TMPRSS15: variants seen among roughly 807,000 people sequenced by gnomAD.
TMPRSS15 encodes the protein transmembrane serine protease 15.
Under a neutral mutation model 125.3 loss-of-function variants are expected in TMPRSS15, and 128 were observed. That is an observed-to-expected ratio of 1.02 (90% confidence interval 0.89 to 1.18). TMPRSS15 has a LOEUF of 1.18. Among genes scored for constraint, TMPRSS15 ranks in the 50% most tolerant of loss-of-function variants. The pLI is 0.00. For synonymous variants in TMPRSS15, 446 were observed against 423.2 expected, an observed-to-expected ratio of 1.05 and a Z score of -0.66; for missense variants, 1,283 against 1,212.7, an observed-to-expected ratio of 1.06 and a Z score of -0.86.
intron 1 of TMPRSS15, among the ~76,000 whole-genome samples, chr21:18,414,896 T>A (rs1275285304): frequency 6.6e-6 from 1 of 152,140 alleles, no homozygotes; most frequent in African/African-American, 2.4e-5. Flanking sequence ...GATTTCTAGA[T>A]CATATGGTAG....
chr21:18,389,171 G>T (rs887791844), intron 3 of TMPRSS15, among the ~76,000 whole-genome samples: 33 of 141,364 alleles, frequency 2.3e-4, no homozygotes, highest in African/African-American at 8.6e-4. Flanking sequence ...AAAAGAAAAA[G>T]AAAGAAAGGA....
chr21:18,421,939 C>T (rs930958083), intron 1 of TMPRSS15, among the ~76,000 whole-genome samples: 11 of 151,572 alleles, frequency 7.3e-5, no homozygotes, highest in Middle Eastern at 3.4e-3. Flanking sequence ...GCTAAAACTA[C>T]GAGAGTTTCT....
chr21:18,298,465 G>A (rs1383270180), intron 18 of TMPRSS15, among the ~76,000 whole-genome samples: 1 of 152,228 alleles, frequency 6.6e-6, no homozygotes, highest in Non-Finnish European at 1.5e-5. Flanking sequence ...ACAGGGTGGA[G>A]AGAGACACCT....
At chr21:18,382,974 T>G (rs2075906841) in intron 4 of TMPRSS15, among the ~76,000 whole-genome samples, 2 of 152,150 alleles carry the variant, frequency 1.3e-5, no homozygotes, top group Admixed American at 1.3e-4. Context: ...TAAAAATTAA[T>G]ACTTAATTTT....
At chr21:18,377,168 C>T (rs1043152958) in intron 5 of TMPRSS15, among the ~76,000 whole-genome samples, 1 of 152,078 alleles carries the variant, frequency 6.6e-6, no homozygotes, top group African/African-American at 2.4e-5. Flanking sequence ...TATGATATTT[C>T]ACCACCTACT....
Position 18,343,576 on chromosome 21 carries a change from T to C in TMPRSS15, c.1358A>G (p.Gln453Arg). The C allele has an allele frequency of 1.9e-6, 3 of 1,613,388 alleles. No homozygotes were observed. The highest frequency in any genetic ancestry group is 2.2e-5 in the South Asian group (2 of 91,070). ...ATTGTCTCCATAATTTCCTTCCTTT[T>C]GGAAAACTGTCTTCTCCATATTTTG... is the stretch of plus-strand genomic sequence containing the variant. ...NDQNMEKTVFQKEGNYGDNWN... is the reference protein window; with the variant it reads ...NDQNMEKTVFRKEGNYGDNWN... The change falls in exon 12 of 25, where the codon CAA (glutamine) becomes CGA (arginine). Residue 453 changes from glutamine to arginine, a missense_variant. Physicochemically the swap from Gln to Arg is conservative, Grantham distance 43 (BLOSUM62 1). Transcript: ENST00000284885.
At chr21:18,437,595 C>A (rs2076230765) in intron 1 of TMPRSS15, among the ~76,000 whole-genome samples, 1 of 152,126 alleles carries the variant, frequency 6.6e-6, no homozygotes, top group Admixed American at 6.6e-5. Flanking sequence ...GGGCTAATAT[C>A]CAGAATCTAC....
chr21:18,476,374 G>A (rs900950254), intron 1 of TMPRSS15, among the ~76,000 whole-genome samples: 3 of 151,916 alleles, frequency 2.0e-5, no homozygotes, highest in African/African-American at 4.8e-5. Flanking sequence ...TAGATTTCTG[G>A]TAGAAAAATG....
chr21:18,275,225 T>C lies in TMPRSS15; in HGVS notation c.2876A>G (p.Tyr959Cys), dbSNP rs896933916. The stretch of plus-strand genomic sequence containing the variant: ...ACAAGAATCTATTCCTCCTTCTTCA[T>C]AGCCTGCACATATCATATTTTCAGT... Reference protein sequence around the residue: ...NITENMICAGYEEGGIDSCQG... With the variant: ...NITENMICAGCEEGGIDSCQG... The change falls in exon 24 of 25, where the codon TAT becomes TGT. Residue 959 changes from tyrosine to cysteine, a missense_variant. Transcript: ENST00000284885. The C allele has an allele frequency of 2.5e-6, 4 of 1,614,094 alleles. No homozygotes were observed. In the East Asian group the frequency reaches 6.7e-5, roughly 27 times the overall value.
chr21:18,433,384 C>G lies in TMPRSS15; in HGVS notation c.11-35055G>C, dbSNP rs1601460964. 2.0e-5 allele frequency among the ~76,000 whole-genome samples: 3 copies of G among 152,162 alleles called. No homozygotes were observed. The Middle Eastern group carries it at 0.01, about 518-fold the overall frequency. On this transcript the variant is annotated intron_variant, in intron 1 of 7. Coordinates refer to the TMPRSS15 transcript ENST00000422787. The stretch of plus-strand genomic sequence containing the variant: ...GATTAAATTTCTGGAACTTCTGCCT[C>G]ATTTATCTTAAAAATAACAGAGTTT...
At chr21:18,392,177 C>T (rs990456499) in intron 3 of TMPRSS15, among the ~76,000 whole-genome samples, 1 of 152,224 alleles carries the variant, frequency 6.6e-6, no homozygotes, top group African/African-American at 2.4e-5. Context: ...TTTGACTCCT[C>T]ATTACTTATG....
At chr21:18,388,984 C>T (rs55965085) in intron 3 of TMPRSS15, among the ~76,000 whole-genome samples, 1 of 151,562 alleles carries the variant, frequency 6.6e-6, no homozygotes, top group African/African-American at 2.4e-5. Flanking sequence ...AGGAAGACAG[C>T]AGATGGGTGT....
chr21:18,389,258 T>TAAGGAAGG (rs530149218), intron 3 of TMPRSS15, among the ~76,000 whole-genome samples: 1 of 150,258 alleles, frequency 6.7e-6, no homozygotes, highest in Non-Finnish European at 1.5e-5. Flanking sequence ...AGAAGTAAAT[T>TAAGGAAGG]AAGGAAGGAA....
At chr21:18,318,803 T>C (rs752776752) in intron 16 of TMPRSS15, among the ~76,000 whole-genome samples, 1 of 152,234 alleles carries the variant, frequency 6.6e-6, no homozygotes, top group Non-Finnish European at 1.5e-5. Flanking sequence ...AGTCATTCTG[T>C]AAACTGAATA....
intron 1 of TMPRSS15, among the ~76,000 whole-genome samples, chr21:18,459,305 G>T (rs1978504810): frequency 6.7e-6 from 1 of 148,758 alleles, no homozygotes; most frequent in Non-Finnish European, 1.5e-5. Context: ...ACAGAGTCTT[G>T]CTCTGTCGCC....
At chr21:18,478,657 G>GT (rs1205621955) in intron 1 of TMPRSS15, among the ~76,000 whole-genome samples, 1 of 151,950 alleles carries the variant, frequency 6.6e-6, no homozygotes, top group African/African-American at 2.4e-5. Context: ...ATCTGTGAGA[G>GT]TTTCTCAGTC....
intron 21 of TMPRSS15, among the ~76,000 whole-genome samples, chr21:18,287,305 G>A (rs1250693199): frequency 1.3e-5 from 2 of 152,090 alleles, no homozygotes; most frequent in Admixed American, 6.5e-5. Context: ...ATTACCAGTG[G>A]TTCCTCATAA....
At chr21:18,300,211 T>TTTCG (rs1555893974) in intron 18 of TMPRSS15, among the ~76,000 whole-genome samples, 1 of 8,596 alleles carries the variant, frequency 1.2e-4, no homozygotes, top group African/African-American at 6.8e-4. Flanking sequence ...TTTCTTTCTT[T>TTTCG]TTCTTTCTCT....
chr21:18,396,691 G>A (rs912902324), intron 3 of TMPRSS15, among the ~76,000 whole-genome samples: 4 of 150,456 alleles, frequency 2.7e-5, no homozygotes, highest in Non-Finnish European at 5.9e-5. Flanking sequence ...GGAGAATGGC[G>A]TGAACCTGGG....
Sources: gnomAD v4.1 joint callset for allele counts (sites outside exome capture counted in the v4.1 genomes callset) on GRCh38, gnomAD v4.1.1 for gene constraint, MANE v1.5 for transcripts, NCBI Gene and HGNC (gene_info 2026-07-23, HGNC 2026-07-21) for gene names.